The following ZNF609 variants were observed in gnomAD, a reference collection of about 807,000 sequenced individuals.
ZNF609 encodes the protein zinc finger protein 609.
Under a neutral mutation model 109.5 loss-of-function variants are expected in ZNF609, and 11 were observed. The observed-to-expected ratio is 0.10, with a 90% CI of 0.06 to 0.17. The LOEUF (loss-of-function observed/expected upper bound fraction) is 0.17. Ranked by LOEUF, ZNF609 falls within the 10% of genes least tolerant of loss-of-function variation. The probability of loss-of-function intolerance (pLI) is 1.00; values close to 1 mark genes in which losing one functional copy is unlikely to be tolerated. For synonymous variants in ZNF609, 646 were observed against 662.0 expected, an observed-to-expected ratio of 0.98 and a Z score of 0.37; for missense variants, 1,559 against 1,772.4, an observed-to-expected ratio of 0.88 and a Z score of 2.16.
At position 64,635,404 on chromosome 15, in the gene ZNF609, AT is replaced by A. The variant is rs1023175663; in HGVS notation, c.973+12355del. On this transcript the variant is annotated intron_variant, in intron 3 of 9. Transcript: ENST00000326648. Reference sequence around the variant, plus strand: ...TGTGATTCAAAGGGGAAAAAGTCCTATTTGAGAGCCTTGGTGTTTTCTTGCT... The same window carrying A: ...TGTGATTCAAAGGGGAAAAAGTCCTATTGAGAGCCTTGGTGTTTTCTTGCT... Among the ~76,000 whole-genome samples, 6 of 152,168 alleles carry A rather than the reference AT, an allele frequency of 3.9e-5. No homozygotes were observed. In the East Asian group the frequency reaches 5.8e-4, roughly 15 times the overall value.
intron 3 of ZNF609, among the ~76,000 whole-genome samples, chr15:64,630,050 G>C (rs1223866699): frequency 7.0e-6 from 1 of 142,954 alleles, no homozygotes; most frequent in African/African-American, 2.7e-5. Context: ...TTCCTTCTCT[G>C]TTTCTCTTCA....
At chr15:64,488,924 AAG>A (rs756505618) in intron 1 of ZNF609, among the ~76,000 whole-genome samples, 11,524 of 87,544 alleles carry the variant, frequency 0.13, 550 homozygotes, top group Non-Finnish European at 0.16. Flanking sequence ...AAAAGAAAGA[AAG>A]AAAGAAAGAA....
chr15:64,525,238 T>C (rs1335802799), intron 2 of ZNF609, among the ~76,000 whole-genome samples: 1 of 152,224 alleles, frequency 6.6e-6, no homozygotes, highest in Non-Finnish European at 1.5e-5. Flanking sequence ...TTGATCCATT[T>C]TGAGTTAATT....
intron 1 of ZNF609, among the ~76,000 whole-genome samples, chr15:64,461,392 A>T (rs1200539029): frequency 6.6e-6 from 1 of 151,856 alleles, no homozygotes; most frequent in Admixed American, 6.6e-5. Context: ...TTCAAGATGG[A>T]GGGATCCCTG....
intron 2 of ZNF609, among the ~76,000 whole-genome samples, chr15:64,607,783 G>A (rs558897382): frequency 1.3e-5 from 2 of 150,128 alleles, no homozygotes; most frequent in Non-Finnish European, 3.0e-5. Context: ...GGGATTACAG[G>A]CGTCATCTAC....
intron 2 of ZNF609, among the ~76,000 whole-genome samples, chr15:64,534,765 G>A (rs1894115028): frequency 6.6e-6 from 1 of 151,758 alleles, no homozygotes; most frequent in African/African-American, 2.4e-5. Flanking sequence ...CGGTGCAGTG[G>A]CTCACACCTG....
chr15:64,498,813 T>C (rs904734522), intron 1 of ZNF609, among the ~76,000 whole-genome samples: 1 of 152,166 alleles, frequency 6.6e-6, no homozygotes, highest in Non-Finnish European at 1.5e-5. Flanking sequence ...TCTATACTAT[T>C]TGTACTAGAG....
intron 3 of ZNF609, among the ~76,000 whole-genome samples, chr15:64,658,432 G>A (rs1042643888): frequency 2.0e-5 from 3 of 151,968 alleles, no homozygotes; most frequent in African/African-American, 7.3e-5. Context: ...CCTGATCTTA[G>A]GTGATCCACC....
At chr15:64,579,941 A>AG (rs200325041) in intron 2 of ZNF609, among the ~76,000 whole-genome samples, 1,776 of 152,338 alleles carry the variant, frequency 0.012, 20 homozygotes, top group Middle Eastern at 0.034. Flanking sequence ...TCCAAAAAAA[A>AG]TCTATTTCTT....
intron 3 of ZNF609, among the ~76,000 whole-genome samples, chr15:64,626,571 C>T (rs944681948): frequency 2.0e-5 from 3 of 152,068 alleles, no homozygotes; most frequent in Non-Finnish European, 4.4e-5. Context: ...GAATGCTTGG[C>T]CTCTGAGGGG....
rs541361764 is a variant in ZNF609, at chr15:64,525,123, T to C, written c.747+24957T>C. On this transcript the variant is annotated intron_variant, in intron 2 of 9. Transcript: ENST00000326648. ...TGTGCTTGTATATCTTCTTTGAAGATATCTGATTCTTTGTCAATATTTTAA... is the reference window on the plus strand; with the variant it reads ...TGTGCTTGTATATCTTCTTTGAAGACATCTGATTCTTTGTCAATATTTTAA... Among the ~76,000 whole-genome samples the C allele has an allele frequency of 2.0e-5, 3 of 152,350 alleles. No homozygotes were observed. In the South Asian group the frequency reaches 6.2e-4, roughly 32 times the overall value.
intron 2 of ZNF609, among the ~76,000 whole-genome samples, chr15:64,571,945 C>A (rs750962609): frequency 7.2e-5 from 11 of 152,030 alleles, no homozygotes; most frequent in Non-Finnish European, 1.3e-4. Flanking sequence ...GGTGTGAGCC[C>A]GGCCTTGAGT....
intron 1 of ZNF609, among the ~76,000 whole-genome samples, chr15:64,473,178 C>T (rs1454416577): frequency 7.0e-6 from 1 of 142,098 alleles, no homozygotes; most frequent in Non-Finnish European, 1.5e-5. Flanking sequence ...AAACTTTTGA[C>T]TCATATTTGG....
chr15:64,541,251 C>G (rs1234346029), intron 2 of ZNF609, among the ~76,000 whole-genome samples: 1 of 149,734 alleles, frequency 6.7e-6, no homozygotes, highest in Non-Finnish European at 1.5e-5. Context: ...CACGGTGAAA[C>G]CCCGTCTCTA....
chr15:64,612,627 CTTTTTTTTT>C (rs60895709), intron 2 of ZNF609, among the ~76,000 whole-genome samples: 2 of 132,280 alleles, frequency 1.5e-5, no homozygotes, highest in South Asian at 4.8e-4. Flanking sequence ...CCAGGAGCCT[CTTTTTTTTT>C]TTTTTTTTTT....
At chr15:64,541,839 C>CAA (rs59597800) in intron 2 of ZNF609, among the ~76,000 whole-genome samples, 1,251 of 41,150 alleles carry the variant, frequency 0.03, 32 homozygotes, top group Non-Finnish European at 0.038. Flanking sequence ...GACTCCAACT[C>CAA]AAAAAAAAAA....
At chr15:64,602,716 CTTTTTTTTTTTTTTTT>C (rs10600561) in intron 2 of ZNF609, among the ~76,000 whole-genome samples, 2 of 55,574 alleles carry the variant, frequency 3.6e-5, no homozygotes, top group Non-Finnish European at 6.5e-5. Context: ...TTTTTTCTTT[CTTTTTTTTTTTTTTTT>C]TTTTTTTTGA....
At chr15:64,618,869 T>A (rs533256757) in intron 2 of ZNF609, among the ~76,000 whole-genome samples, 1 of 152,186 alleles carries the variant, frequency 6.6e-6, no homozygotes, top group African/African-American at 2.4e-5. Context: ...TCTGGGGAGT[T>A]TTTATAGGCA....
chr15:64,516,015 A>G (rs1282750496), intron 2 of ZNF609, among the ~76,000 whole-genome samples: 1 of 152,150 alleles, frequency 6.6e-6, no homozygotes, highest in African/African-American at 2.4e-5. Context: ...TTTAGAAACC[A>G]AGTTAGGTAG....
Sources: allele counts gnomAD v4.1 joint callset (sites outside exome capture counted in the v4.1 genomes callset), GRCh38; gene constraint gnomAD v4.1.1; transcripts MANE v1.5; gene names NCBI Gene and HGNC (gene_info 2026-07-23, HGNC 2026-07-21).